Variants in PRKAR1A observed in about 807,000 individuals in gnomAD.
PRKAR1A encodes the protein protein kinase cAMP-dependent type I regulatory subunit alpha, also known as cAMP-dependent protein kinase type I-alpha regulatory subunit.
A neutral mutation model predicts 52.0 loss-of-function variants in PRKAR1A; 3 were observed. That is an observed-to-expected ratio of 0.06 (90% CI 0.03 to 0.15). The LOEUF is 0.15. Among genes scored for constraint, PRKAR1A ranks in the 10% least tolerant of loss-of-function variants. The pLI is 1.00. For synonymous variants in PRKAR1A, 188 were observed against 168.4 expected (o/e 1.12, Z -0.90); for missense variants, 240 against 477.4 (o/e 0.50, Z 4.63).
chr17:68,427,322 G>A, the PRKAR1A span: 17 of 1,204,946 alleles, frequency 1.4e-5, 1 homozygote, highest in Middle Eastern at 1.9e-4. Flanking sequence ...ACCTTCCAAA[G>A]GAAAAGCATG....
chr17:68,417,904 A>G, the PRKAR1A span, among the ~76,000 whole-genome samples: 2 of 151,064 alleles, frequency 1.3e-5, no homozygotes, highest in African/African-American at 4.9e-5. Context: ...ATAATTTTTT[A>G]TATTTTTAGT....
the PRKAR1A span, chr17:68,457,323 G>T: frequency 6.5e-7 from 1 of 1,541,478 alleles, no homozygotes; most frequent in South Asian, 1.2e-5. Flanking sequence ...TCCCTGGCAG[G>T]GGCCGAGTCG....
the PRKAR1A span, among the ~76,000 whole-genome samples, chr17:68,456,138 G>T: frequency 6.6e-6 from 1 of 152,186 alleles, no homozygotes; most frequent in Non-Finnish European, 1.5e-5. Context: ...TACATATTTC[G>T]TATTGTGGAT....
At chr17:68,516,884 A>G (rs8076465) in intron 2 of PRKAR1A, among the ~76,000 whole-genome samples, 112,069 of 152,134 alleles carry the variant, frequency 0.74, 41,999 homozygotes, top group East Asian at 0.9. Context: ...AGTCAAGTGC[A>G]TTCCTGGAGA....
At chr17:68,467,733 T>A in the PRKAR1A span, among the ~76,000 whole-genome samples, 1 of 152,342 alleles carries the variant, frequency 6.6e-6, no homozygotes, top group South Asian at 2.1e-4. Flanking sequence ...TCCTGGCCTG[T>A]TCTTTCCAAT....
intron 11 of PRKAR1A, chr17:68,541,496 C>T: frequency 5.3e-6 from 1 of 189,286 alleles, no homozygotes; most frequent in Non-Finnish European, 1.1e-5. Flanking sequence ...GACGGCTTGA[C>T]TGATGGATCG....
rs189123061 is a variant in PRKAR1A, at chr17:68,539,134, G to C, written c.973+9133G>C. Among the ~76,000 whole-genome samples the C allele has an allele frequency of 5.3e-5, 8 of 152,268 alleles. No individual in the cohort carries two copies. In the East Asian group the frequency reaches 1.5e-3, roughly 29 times the overall value. ...AAAAATACCATATTATTAATCTTAT[G>C]AGACCACCGTCATATATGCAGTCTG... On this transcript the variant is annotated intron_variant, in intron 11 of 11. Transcript: ENST00000585981.
chr17:68,483,602 C>T, the PRKAR1A span, among the ~76,000 whole-genome samples: 1 of 152,184 alleles, frequency 6.6e-6, no homozygotes, highest in Non-Finnish European at 1.5e-5. Context: ...TGGCTCATGC[C>T]TGTAATCCCA....
chr17:68,545,018 C>A (rs1027610509), intron 11 of PRKAR1A, among the ~76,000 whole-genome samples: 3 of 152,128 alleles, frequency 2.0e-5, no homozygotes, highest in Admixed American at 1.3e-4. Flanking sequence ...AAATATAAAT[C>A]TTTATGTTCC....
Position 68,530,891 on chromosome 17 carries a change from TA to T in PRKAR1A, c.*445del. Reference sequence around the variant, plus strand: ...CTTTGTAGAATAAATGGTTTCTCATTAAACTCTAAAGATTAGGGAAAATGGA... The same window carrying T: ...CTTTGTAGAATAAATGGTTTCTCATTAACTCTAAAGATTAGGGAAAATGGA... On this transcript the variant is annotated 3_prime_UTR_variant, in exon 11 of 11. Transcript: ENST00000589228. The T allele has an allele frequency of 8.8e-7, 1 of 1,131,730 alleles. No individual in the cohort carries two copies. The highest frequency in any genetic ancestry group is 1.6e-5 in the African/African-American group (1 of 63,698). The allele number at this position is 1,131,730 out of a possible 1,614,324, so 70.1% of individuals were successfully genotyped here.
At chr17:68,526,928 A>C (rs1044420681) in intron 7 of PRKAR1A, among the ~76,000 whole-genome samples, 3 of 152,210 alleles carry the variant, frequency 2.0e-5, no homozygotes, top group Non-Finnish European at 4.4e-5. Flanking sequence ...CACACACACA[A>C]AAAAACGCTT....
the PRKAR1A span, among the ~76,000 whole-genome samples, chr17:68,427,993 T>C: frequency 2.6e-5 from 4 of 152,000 alleles, no homozygotes; most frequent in Non-Finnish European, 5.9e-5. Flanking sequence ...TGGGCTCAGG[T>C]GATCCCCCCA....
intron 11 of PRKAR1A, chr17:68,539,515 T>C: frequency 2.3e-6 from 2 of 886,344 alleles, no homozygotes; most frequent in East Asian, 4.9e-5. Context: ...CCAGGGATCA[T>C]GGCAGCTGCC....
chr17:68,547,846 C>A (rs2086639431), intron 11 of PRKAR1A, among the ~76,000 whole-genome samples: 1 of 152,240 alleles, frequency 6.6e-6, no homozygotes, highest in South Asian at 2.1e-4. Flanking sequence ...TTTGCATTCA[C>A]AACTTGCCTG....
Position 68,531,690 on chromosome 17 carries a change from A to T in PRKAR1A, c.*1241A>T. The T allele has an allele frequency of 3.8e-6, 4 of 1,065,162 alleles. No individual in the cohort carries two copies. Among genetic ancestry groups the T allele is most frequent in the Non-Finnish European group, 4.6e-6 (4 of 878,610 alleles). The allele number at this position is 1,065,162 out of a possible 1,614,324, so 66.0% of individuals were successfully genotyped here. A position where few individuals can be genotyped will look rare whatever the true frequency, so the allele number is the denominator to read the frequency against. On this transcript the variant is annotated 3_prime_UTR_variant, in exon 11 of 11. Coordinates refer to ENST00000589228, the MANE Select transcript of PRKAR1A (RefSeq NM_002734.5). ...AGTCCTGCTTTCCTATCTAGCATTT[A>T]TTTCTCTGGCAAACTTTTCTTTCTT...
intron 8 of PRKAR1A, 193 bp from the exon 9 acceptor site, chr17:68,528,677 A>T: frequency 1.5e-6 from 1 of 686,634 alleles, no homozygotes; most frequent in Non-Finnish European, 2.5e-6. Context: ...TAAGGATCTA[A>T]GGGCTATCTG....
the PRKAR1A span, chr17:68,436,388 G>C: frequency 1.2e-6 from 2 of 1,613,804 alleles, no homozygotes; most frequent in Non-Finnish European, 8.5e-7. Context: ...TTACCAGGGA[G>C]TTTCCATCAT....
intron 4 of PRKAR1A, 62 bp from the exon 5 acceptor site, chr17:68,523,954 A>T: frequency 1.9e-6 from 3 of 1,597,856 alleles, no homozygotes; most frequent in Non-Finnish European, 2.6e-6. Flanking sequence ...TTCTAAGCTT[A>T]ATGTTTGAAA....
At chr17:68,489,299 ATATATATATATG>A in the PRKAR1A span, among the ~76,000 whole-genome samples, 1 of 85,058 alleles carries the variant, frequency 1.2e-5, no homozygotes, top group Non-Finnish European at 2.1e-5. Flanking sequence ...TGGAAAGTAT[ATATATATATATG>A]GAAAGTATAT....
Sources: gnomAD v4.1 joint callset for allele counts (sites outside exome capture counted in the v4.1 genomes callset) on GRCh38, gnomAD v4.1.1 for gene constraint, MANE v1.5 for transcripts, NCBI Gene and HGNC (gene_info 2026-07-23, HGNC 2026-07-21) for gene names.